The following CTNNA1 variants were observed in gnomAD, a reference collection of about 807,000 sequenced individuals.
CTNNA1 encodes catenin alpha 1.
In CTNNA1, 37 loss-of-function variants were observed where a neutral mutation model predicts 98.4. The observed-to-expected ratio is 0.38, with a 90% CI of 0.29 to 0.49. The LOEUF is 0.49. Among genes scored for constraint, CTNNA1 ranks in the 20% least tolerant of loss-of-function variants. The probability of loss-of-function intolerance (pLI) is 0.95; values close to 1 mark genes in which losing one functional copy is unlikely to be tolerated. For missense variants in CTNNA1, 761 were observed against 1,147.2 expected, an observed-to-expected ratio of 0.66 and a Z score of 4.86; for synonymous variants, 404 against 413.2, an observed-to-expected ratio of 0.98 and a Z score of 0.27.
Position 138,874,564 on chromosome 5 carries a change from A to T in CTNNA1, c.1063-11648A>T. On this transcript the variant is annotated intron_variant, in intron 7 of 17. Coordinates refer to ENST00000302763, the MANE Select transcript of CTNNA1 (RefSeq NM_001903.5). The surrounding 1 kb of genome is among the most constrained non-coding windows in gnomAD (Gnocchi z 4.1). ...GCCACTTGAAATGTAAGCCTGCAGA[A>T]TATAATTTAAGGAAAACAAGAAGAT... 1 of 1,492,780 alleles carries T rather than the reference A, an allele frequency of 6.7e-7. No individual in the cohort carries two copies. The highest frequency in any genetic ancestry group is 9.0e-7 in the Non-Finnish European group (1 of 1,107,390). 92.5% of individuals were successfully genotyped at this position (1,492,780 alleles called of 1,614,324 possible). A position where few individuals can be genotyped will look rare whatever the true frequency, so the allele number is the denominator to read the frequency against.
chr5:138,873,473 A>G lies in CTNNA1; in HGVS notation c.1063-12739A>G. 2 of 1,614,060 alleles carry G rather than the reference A, an allele frequency of 1.2e-6. No homozygotes were observed. Among genetic ancestry groups the G allele is most frequent in the South Asian group, 2.2e-5 (2 of 91,084 alleles). On this transcript the variant is annotated intron_variant, in intron 7 of 17. Coordinates refer to ENST00000302763, the MANE Select transcript of CTNNA1 (RefSeq NM_001903.5). This position sits in a 1 kb window ranked among gnomAD's most constrained non-coding sequence, Gnocchi z 6.1. ...AGCCATGACAGTGACAGTGGTTGAC[A>G]AATTCCAGCAGAGCTGAAATCCATG...
At chr5:138,913,508 C>T (rs376708722) in intron 10 of CTNNA1, among the ~76,000 whole-genome samples, 2 of 151,580 alleles carry the variant, frequency 1.3e-5, no homozygotes, top group East Asian at 1.9e-4. Flanking sequence ...CACTTGAACC[C>T]GGGAGGCGGA....
intron 11 of CTNNA1, among the ~76,000 whole-genome samples, chr5:138,921,913 G>A (rs1762993647): frequency 3.3e-5 from 5 of 151,674 alleles, no homozygotes. Context: ...TCACCCGGCC[G>A]GTGATTTTTT....
chr5:138,884,802 A>G (rs1197050349), intron 7 of CTNNA1, among the ~76,000 whole-genome samples: 2 of 152,170 alleles, frequency 1.3e-5, no homozygotes, highest in African/African-American at 4.8e-5. Context: ...AAGGGGGTCC[A>G]TTCAGTTGGT....
intron 3 of CTNNA1, among the ~76,000 whole-genome samples, chr5:138,792,184 AAAT>A (rs1756451358): frequency 6.6e-6 from 1 of 152,118 alleles, no homozygotes; most frequent in African/African-American, 2.4e-5. Flanking sequence ...TAGGGAGAAA[AAAT>A]GTGTACACAC....
At chr5:138,860,701 G>A (rs1461078030) in intron 7 of CTNNA1, among the ~76,000 whole-genome samples, 2 of 151,992 alleles carry the variant, frequency 1.3e-5, no homozygotes, top group African/African-American at 2.4e-5. Flanking sequence ...TCACCGTGTT[G>A]CCCCGGCTGG....
intron 3 of CTNNA1, among the ~76,000 whole-genome samples, chr5:138,797,711 A>G (rs1757118817): frequency 6.6e-6 from 1 of 152,098 alleles, no homozygotes; most frequent in Non-Finnish European, 1.5e-5. Flanking sequence ...TTTCTGAGCC[A>G]TTACGTTGTG....
At chr5:138,856,341 C>CT (rs931941886) in intron 7 of CTNNA1, among the ~76,000 whole-genome samples, 43 of 151,864 alleles carry the variant, frequency 2.8e-4, no homozygotes, top group Middle Eastern at 6.8e-3. Flanking sequence ...CTTTCTTTTC[C>CT]TTTTTTTTAA....
At chr5:138,830,068 G>A (rs969773139) in intron 7 of CTNNA1, among the ~76,000 whole-genome samples, 1 of 152,032 alleles carries the variant, frequency 6.6e-6, no homozygotes, top group Admixed American at 6.6e-5. Flanking sequence ...TCTGGAGGCT[G>A]ATGCAGGAGA....
intron 3 of CTNNA1, among the ~76,000 whole-genome samples, chr5:138,793,240 T>C (rs1251543793): frequency 6.6e-6 from 1 of 152,256 alleles, no homozygotes; most frequent in East Asian, 1.9e-4. Context: ...ATTTTATGTC[T>C]TAAAGTTGTC....
intron 6 of CTNNA1, among the ~76,000 whole-genome samples, chr5:138,827,224 C>T (rs1328206923): frequency 6.6e-6 from 1 of 151,974 alleles, no homozygotes; most frequent in African/African-American, 2.4e-5. Context: ...ACGGGTTTAC[C>T]TTTAGATGTT....
intron 3 of CTNNA1, among the ~76,000 whole-genome samples, chr5:138,785,833 A>G (rs1755641552): frequency 6.6e-6 from 1 of 152,156 alleles, no homozygotes; most frequent in East Asian, 1.9e-4. Context: ...ACCTCAAGTG[A>G]TCTGCTCGCC....
At chr5:138,835,038 T>C (rs1761644024) in intron 7 of CTNNA1, among the ~76,000 whole-genome samples, 1 of 152,040 alleles carries the variant, frequency 6.6e-6, no homozygotes, top group Non-Finnish European at 1.5e-5. Context: ...CAGGGGAGGA[T>C]ATTACAAAGT....
chr5:138,861,831 T>A (rs1051587842), intron 7 of CTNNA1, among the ~76,000 whole-genome samples: 4 of 152,204 alleles, frequency 2.6e-5, no homozygotes, highest in African/African-American at 9.7e-5. Context: ...ACTATATTTT[T>A]TATTGTAATT....
At chr5:138,810,313 A>G (rs971105912) in intron 4 of CTNNA1, 109 bp downstream of exon 4, 30 of 1,169,710 alleles carry the variant, frequency 2.6e-5, no homozygotes, top group Admixed American at 4.0e-5. Flanking sequence ...AATTTGGTTT[A>G]TCTCAATGGA....
Position 138,810,037 on chromosome 5 carries a change from G to T in CTNNA1, c.302-1G>T. ...AGTTTGTTTTTCATTCTGTAAAACA[G>T]GTGATTTGATGAAGGCTGCTGCAGG... On this transcript the variant is annotated splice_acceptor_variant, in intron 3 of 17. Coordinates refer to ENST00000302763, the MANE Select transcript of CTNNA1 (RefSeq NM_001903.5). LOFTEE classifies it high-confidence loss of function. 1 of 1,599,056 alleles carries T rather than the reference G, an allele frequency of 6.3e-7. No individual in the cohort carries two copies. The highest frequency in any genetic ancestry group is 8.6e-7 in the Non-Finnish European group (1 of 1,167,846).
At chr5:138,778,555 CATAA>C (rs377065214) in intron 1 of CTNNA1, among the ~76,000 whole-genome samples, 9 of 152,264 alleles carry the variant, frequency 5.9e-5, no homozygotes, top group East Asian at 1.9e-4. Flanking sequence ...CCCCATCTGT[CATAA>C]ATAAATAATC....
At chr5:138,783,078 T>C (rs1034373947) in intron 2 of CTNNA1, 99 bp from the exon 3 acceptor site, 5 of 890,078 alleles carry the variant, frequency 5.6e-6, no homozygotes, top group South Asian at 2.1e-5. Flanking sequence ...TGGAATCTCA[T>C]GTGATTTTTT....
chr5:138,882,545 C>T (rs1471475074), intron 7 of CTNNA1, among the ~76,000 whole-genome samples: 1 of 152,166 alleles, frequency 6.6e-6, no homozygotes, highest in African/African-American at 2.4e-5. Flanking sequence ...TTCGTGCAGT[C>T]AGGTTGAGTA....
Sources: allele counts gnomAD v4.1 joint callset (sites outside exome capture counted in the v4.1 genomes callset), GRCh38; gene constraint gnomAD v4.1.1; non-coding constraint Gnocchi (gnomAD v3.1); transcripts MANE v1.5; gene names NCBI Gene and HGNC (gene_info 2026-07-23, HGNC 2026-07-21).